Variants in UACA observed in about 807,000 individuals in gnomAD.
UACA encodes the protein uveal autoantigen with coiled-coil domains and ankyrin repeats.
UACA carries 112 observed loss-of-function variants against 160.5 expected under a neutral mutation model. The ratio of observed to expected loss-of-function variants is 0.70; its 90% CI spans 0.60 to 0.82. The LOEUF is 0.82. UACA is among the 40% of genes least tolerant of loss of function. UACA has a pLI of 0.00. For synonymous variants in UACA, 557 were observed against 568.4 expected (o/e 0.98, Z 0.29); for missense variants, 1,574 against 1,614.6 (o/e 0.97, Z 0.43).
At chr15:70,763,602 GC>G, upstream of UACA, 2 of 1,154,892 alleles carry the variant, frequency 1.7e-6, no homozygotes, top group Non-Finnish European at 2.2e-6. Flanking sequence ...TTGACCCGCT[GC>G]CCTGGCGGGG....
intron 1 of UACA, among the ~76,000 whole-genome samples, chr15:70,715,028 T>A (rs1448604025): frequency 1.3e-5 from 2 of 152,214 alleles, no homozygotes; most frequent in Non-Finnish European, 2.9e-5. Context: ...TCAGGCTGGA[T>A]AAGATTTTGT....
chr15:70,660,426 A>C, intron 17 of UACA: 1 of 518,498 alleles, frequency 1.9e-6, no homozygotes, highest in Non-Finnish European at 3.4e-6. Context: ...AATGACAGTA[A>C]TGCTACTTTC....
At chr15:70,659,947 T>C (rs2140882442) in intron 18 of UACA, among the ~76,000 whole-genome samples, 1 of 152,228 alleles carries the variant, frequency 6.6e-6, no homozygotes. Flanking sequence ...CGACACTAAA[T>C]TTAAGATGTT....
At chr15:70,678,237 C>A (rs2140924561) in intron 10 of UACA, 31 bp from the exon 11 acceptor site, 3 of 1,544,502 alleles carry the variant, frequency 1.9e-6, no homozygotes, top group Admixed American at 3.9e-5. Flanking sequence ...AGGTGCCAGG[C>A]CAATCTTAAA....
chr15:70,659,393 TTG>T (rs1491016565), intron 18 of UACA, among the ~76,000 whole-genome samples: 10 of 122,748 alleles, frequency 8.1e-5, no homozygotes, highest in African/African-American at 2.6e-4. Context: ...CATTTTTTGT[TTG>T]TTTTTTTTTT....
intron 1 of UACA, among the ~76,000 whole-genome samples, chr15:70,710,340 G>A (rs1468947482): frequency 6.6e-6 from 1 of 152,148 alleles, no homozygotes; most frequent in African/African-American, 2.4e-5. Flanking sequence ...TAAGCACTCT[G>A]TGAGATAGGA....
chr15:70,666,638 G>A (rs1896916477), intron 16 of UACA, 86 bp downstream of exon 16: 1 of 1,119,684 alleles, frequency 8.9e-7, no homozygotes, highest in Non-Finnish European at 1.2e-6. Context: ...GTTAATACCT[G>A]TGTCTACTTT....
At chr15:70,715,587 A>G (rs545517274) in intron 1 of UACA, among the ~76,000 whole-genome samples, 59 of 152,318 alleles carry the variant, frequency 3.9e-4, no homozygotes, top group African/African-American at 1.3e-3. Flanking sequence ...ACAGGAAAGC[A>G]TATGTTTTTG....
chr15:70,670,506 A>G (rs1399551259), intron 15 of UACA, among the ~76,000 whole-genome samples: 1 of 152,012 alleles, frequency 6.6e-6, no homozygotes, highest in Non-Finnish European at 1.5e-5. Context: ...ACACTTTTTA[A>G]TAAACTCACT....
intron 17 of UACA, among the ~76,000 whole-genome samples, chr15:70,664,012 A>G (rs774396854): frequency 1.3e-5 from 2 of 152,184 alleles, no homozygotes; most frequent in Non-Finnish European, 2.9e-5. Flanking sequence ...TAGAACTTAA[A>G]GTATAATAAA....
intron 10 of UACA, 42 bp from the exon 11 acceptor site, chr15:70,678,248 A>G (rs771271590): frequency 6.8e-7 from 1 of 1,474,672 alleles, no homozygotes; most frequent in Non-Finnish European, 9.2e-7. Flanking sequence ...CAATCTTAAA[A>G]GAGCAAATTC....
At position 70,669,098 on chromosome 15, in the gene UACA, C is replaced by T. The variant is rs766571413; in HGVS notation, c.1586G>A (p.Ser529Asn). 1 of 1,614,078 alleles carries T rather than the reference C, an allele frequency of 6.2e-7. No homozygotes were observed. Among genetic ancestry groups the T allele is most frequent in the Non-Finnish European group, 8.5e-7 (1 of 1,180,008 alleles). The change falls in exon 16 of 19, where the codon AGT becomes AAT. Residue 529 changes from serine (S) to asparagine (N), a missense_variant. Transcript: ENST00000322954. The stretch of plus-strand genomic sequence containing the variant: ...TCTGTGATTCCCTGAGGCTGCTTCA[C>T]TTGTTAAGTGTTCTTTAAGGGCAAG... ...HFLALKEHLT[S>N]EAASGNHRLT...
intron 1 of UACA, among the ~76,000 whole-genome samples, chr15:70,702,777 T>G (rs1898411149): frequency 6.6e-6 from 1 of 152,226 alleles, no homozygotes; most frequent in Admixed American, 6.5e-5. Context: ...CAACCAGGTT[T>G]CAGCTTACAA....
intron 1 of UACA, among the ~76,000 whole-genome samples, chr15:70,736,448 G>C (rs1899369427): frequency 6.6e-6 from 1 of 151,616 alleles, no homozygotes; most frequent in Non-Finnish European, 1.5e-5. Context: ...CTTTTTTTGG[G>C]GGGTGGGATG....
chr15:70,739,148 G>A (rs1899455134), intron 1 of UACA, among the ~76,000 whole-genome samples: 1 of 152,188 alleles, frequency 6.6e-6, no homozygotes, highest in African/African-American at 2.4e-5. Context: ...CATCTCTTAA[G>A]AGGACTATTT....
chr15:70,735,385 CT>C (rs1899334619), intron 1 of UACA, among the ~76,000 whole-genome samples: 1 of 151,778 alleles, frequency 6.6e-6, no homozygotes, highest in African/African-American at 2.4e-5. Context: ...AAACACCATT[CT>C]AAATCTAAAT....
intron 1 of UACA, among the ~76,000 whole-genome samples, chr15:70,729,538 C>G (rs1899253225): frequency 9.6e-6 from 1 of 104,118 alleles, no homozygotes. Flanking sequence ...TGTGAAGGGA[C>G]CCACCGAGCT....
At chr15:70,773,320 G>C in the UACA span, among the ~76,000 whole-genome samples, 3 of 152,192 alleles carry the variant, frequency 2.0e-5, no homozygotes, top group Non-Finnish European at 4.4e-5. Context: ...AGAAGCTAAT[G>C]AAAGTAGACT....
chr15:70,754,489 G>A (rs1448193287), intron 1 of UACA, among the ~76,000 whole-genome samples: 1 of 152,214 alleles, frequency 6.6e-6, no homozygotes, highest in Non-Finnish European at 1.5e-5. Flanking sequence ...AAGCTATGAT[G>A]TTGTGTAGGT....
Sources: gnomAD v4.1 joint callset for allele counts (sites outside exome capture counted in the v4.1 genomes callset) on GRCh38, gnomAD v4.1.1 for gene constraint, MANE v1.5 for transcripts, NCBI Gene and HGNC (gene_info 2026-07-23, HGNC 2026-07-21) for gene names.